Variants in OPCML observed in about 807,000 individuals in gnomAD.
OPCML encodes opioid binding protein/cell adhesion molecule like.
A neutral mutation model predicts 37.8 loss-of-function variants in OPCML; 13 were observed. The observed-to-expected ratio is 0.34, with a 90% confidence interval of 0.22 to 0.55. The LOEUF (loss-of-function observed/expected upper bound fraction) is 0.55. Among genes scored for constraint, OPCML ranks in the 20% least tolerant of loss-of-function variants. The pLI is 0.91. For synonymous variants in OPCML, 176 were observed against 168.8 expected, an observed-to-expected ratio of 1.04 and a Z score of -0.33; for missense variants, 341 against 435.6, an observed-to-expected ratio of 0.78 and a Z score of 1.93.
rs112171349 is a variant in OPCML, at chr11:133,146,222, G to A, written c.62-203212C>T. On this transcript the variant is annotated intron_variant, in intron 1 of 7. Transcript: ENST00000524381. ...CTTGATAAGGACACAGGGATGATGA[G>A]TGAGCTGATGCTTGGAGCTCTGGGA... Among the ~76,000 whole-genome samples the A allele has an allele frequency of 2.5e-3, 376 of 152,030 alleles. 3 individuals carry two copies. The highest frequency in any genetic ancestry group is 2.7e-3 in the Non-Finnish European group (182 of 67,984).
intron 1 of OPCML, among the ~76,000 whole-genome samples, chr11:133,460,943 A>G (rs1207238474): frequency 6.6e-6 from 1 of 151,914 alleles, no homozygotes; most frequent in Non-Finnish European, 1.5e-5. Context: ...AAAGTCAGTC[A>G]ATCTAATAAA....
intron 3 of OPCML, among the ~76,000 whole-genome samples, chr11:132,589,673 G>A (rs561059584): frequency 3.9e-5 from 6 of 152,316 alleles, no homozygotes; most frequent in African/African-American, 1.4e-4. Context: ...TAGGCCACTA[G>A]GATACAGTGG....
At chr11:133,483,800 G>GATAGATAA (rs1351041204) in intron 1 of OPCML, among the ~76,000 whole-genome samples, 3 of 142,564 alleles carry the variant, frequency 2.1e-5, no homozygotes, top group Non-Finnish European at 3.1e-5. Context: ...ATAGATGATA[G>GATAGATAA]ATAGATAGAT....
At chr11:133,356,838 G>A (rs532707063) in intron 1 of OPCML, among the ~76,000 whole-genome samples, 23 of 152,248 alleles carry the variant, frequency 1.5e-4, no homozygotes, top group African/African-American at 4.8e-4. Flanking sequence ...TTAAAAGCGC[G>A]TGTCCATGCA....
chr11:132,653,421 C>T (rs967065095), intron 3 of OPCML, among the ~76,000 whole-genome samples: 3 of 152,106 alleles, frequency 2.0e-5, no homozygotes, highest in Non-Finnish European at 2.9e-5. Flanking sequence ...TCCTGCTCTG[C>T]GGGGCTGCCA....
intron 1 of OPCML, among the ~76,000 whole-genome samples, chr11:133,457,050 C>T (rs1946685415): frequency 6.6e-6 from 1 of 152,210 alleles, no homozygotes; most frequent in African/African-American, 2.4e-5. Context: ...AAGAGACCAA[C>T]CCCAAGACAC....
At chr11:132,739,418 G>T (rs935960069) in intron 2 of OPCML, among the ~76,000 whole-genome samples, 2 of 152,118 alleles carry the variant, frequency 1.3e-5, no homozygotes, top group Non-Finnish European at 2.9e-5. Flanking sequence ...AGAAGAAAAA[G>T]TTTTTTTCCT....
chr11:133,382,775 T>TCCACCC (rs1189152680), intron 1 of OPCML, among the ~76,000 whole-genome samples: 1 of 152,038 alleles, frequency 6.6e-6, no homozygotes, highest in East Asian at 1.9e-4. Context: ...GTCACCCCAC[T>TCCACCC]CCACCCAGCC....
chr11:133,211,826 C>T lies in OPCML; in HGVS notation c.62-268816G>A, dbSNP rs1396546586. On this transcript the variant is annotated intron_variant, in intron 1 of 7. Transcript: ENST00000524381. The surrounding 1 kb of genome is among the most constrained non-coding windows in gnomAD (Gnocchi z 4.1). ...AATCCTAATAAAGTAGACAGTTAAA[C>T]CTTCAAGAGTATAAGCATTTGACTC... 6.6e-6 allele frequency among the ~76,000 whole-genome samples: 1 copy of T among 152,166 alleles called. No individual in the cohort carries two copies. Among genetic ancestry groups the T allele is most frequent in the Admixed American group, 6.5e-5 (1 of 15,278 alleles).
At chr11:132,941,503 A>C (rs1945576856) in intron 2 of OPCML, among the ~76,000 whole-genome samples, 1 of 152,170 alleles carries the variant, frequency 6.6e-6, no homozygotes, top group Admixed American at 6.5e-5. Flanking sequence ...TTATATCTTT[A>C]AGCCAACTAG....
intron 2 of OPCML, among the ~76,000 whole-genome samples, chr11:132,703,655 C>A (rs1008717505): frequency 6.6e-6 from 1 of 152,144 alleles, no homozygotes; most frequent in African/African-American, 2.4e-5. Flanking sequence ...AGCAAGCAGG[C>A]CTAGAGAGAC....
At chr11:132,826,169 T>C (rs1451638544) in intron 2 of OPCML, among the ~76,000 whole-genome samples, 2 of 152,228 alleles carry the variant, frequency 1.3e-5, no homozygotes, top group Admixed American at 1.3e-4. Flanking sequence ...CTTTTCTGTG[T>C]GCTTCTACAC....
Position 133,485,711 on chromosome 11 carries a change from T to C in OPCML, c.61+46553A>G. On this transcript the variant is annotated intron_variant, in intron 1 of 7. Coordinates refer to ENST00000524381, the MANE Select transcript of OPCML (RefSeq NM_001012393.5). ...GTTCCATATATGCAAATCCACCTAC[T>C]TGCTAAAAATTATTTATAACAACAA... Among the ~76,000 whole-genome samples the C allele has an allele frequency of 1.3e-5, 2 of 152,198 alleles. 1 individual carries two copies. The highest frequency in any genetic ancestry group is 4.1e-4 in the South Asian group (2 of 4,832).
chr11:132,726,965 C>G, intron 2 of OPCML, among the ~76,000 whole-genome samples: 1 of 152,152 alleles, frequency 6.6e-6, no homozygotes, highest in East Asian at 1.9e-4. Flanking sequence ...TATCTATGGA[C>G]CCTTCCCTGA....
chr11:133,456,699 T>C (rs191017096), intron 1 of OPCML, among the ~76,000 whole-genome samples: 1 of 147,852 alleles, frequency 6.8e-6, no homozygotes, highest in Admixed American at 6.7e-5. Flanking sequence ...ATGAACAAAA[T>C]AATAATATCA....
chr11:132,878,187 A>C (rs1362862044), intron 2 of OPCML, among the ~76,000 whole-genome samples: 1 of 151,990 alleles, frequency 6.6e-6, no homozygotes, highest in African/African-American at 2.4e-5. Context: ...ATCTCAAAAA[A>C]AAAAAAATTA....
intron 4 of OPCML, among the ~76,000 whole-genome samples, chr11:132,503,180 C>T (rs1431825779): frequency 6.6e-6 from 1 of 152,142 alleles, no homozygotes; most frequent in Non-Finnish European, 1.5e-5. Flanking sequence ...CTGAGTTTAA[C>T]AATATTTTTG....
intron 2 of OPCML, among the ~76,000 whole-genome samples, chr11:132,834,211 A>G (rs1565897605): frequency 6.6e-6 from 1 of 152,204 alleles, no homozygotes; most frequent in African/African-American, 2.4e-5. Flanking sequence ...AGATAGAGCC[A>G]AAATACCTTT....
At chr11:133,122,381 G>A (rs1949435630) in intron 1 of OPCML, among the ~76,000 whole-genome samples, 1 of 151,572 alleles carries the variant, frequency 6.6e-6, no homozygotes, top group African/African-American at 2.4e-5. Flanking sequence ...AAGAAAAATG[G>A]GGTTTGCAGT....
Sources: gnomAD v4.1 joint callset for allele counts (sites outside exome capture counted in the v4.1 genomes callset) on GRCh38, gnomAD v4.1.1 for gene constraint, Gnocchi (gnomAD v3.1) non-coding constraint, MANE v1.5 for transcripts, NCBI Gene and HGNC (gene_info 2026-07-23, HGNC 2026-07-21) for gene names.